USP34: variants seen among roughly 807,000 people sequenced by gnomAD.
USP34 encodes ubiquitin carboxyl-terminal hydrolase 34.
In USP34, 70 loss-of-function variants were observed where a neutral mutation model predicts 460.3. The ratio of observed to expected loss-of-function variants is 0.15; its 90% CI spans 0.13 to 0.19. The LOEUF is 0.19. USP34 is among the 10% of genes least tolerant of loss of function. The pLI, the probability that USP34 is intolerant of heterozygous loss-of-function variation, is 1.00. For missense variants in USP34, 3,985 were observed against 4,236.2 expected (o/e 0.94, Z 1.65); for synonymous variants, 1,647 against 1,405.3 (o/e 1.17, Z -3.85).
intron 58 of USP34, among the ~76,000 whole-genome samples, chr2:61,232,111 C>G (rs935272387): frequency 6.6e-6 from 1 of 151,982 alleles, no homozygotes; most frequent in Non-Finnish European, 1.5e-5. Context: ...CACTATAGTA[C>G]CCTACCATGG....
chr2:61,246,519 C>T, intron 49 of USP34, 42 bp from the exon 50 acceptor site: 3 of 1,326,858 alleles, frequency 2.3e-6, no homozygotes, highest in Non-Finnish European at 3.0e-6. Context: ...TTCCAAACTT[C>T]ACAACAGTTA....
At chr2:61,341,953 G>A (rs1691616582) in intron 16 of USP34, among the ~76,000 whole-genome samples, 1 of 151,512 alleles carries the variant, frequency 6.6e-6, no homozygotes, top group Non-Finnish European at 1.5e-5. Context: ...AGTACCAACG[G>A]GGTTTCACCA....
chr2:61,304,615 A>G (rs1336305324), intron 27 of USP34, among the ~76,000 whole-genome samples: 8 of 152,232 alleles, frequency 5.3e-5, no homozygotes, highest in Non-Finnish European at 2.9e-5. Flanking sequence ...ACAGCAATAA[A>G]GCACTATCTA....
At chr2:61,443,326 G>C (rs1695018404) in intron 1 of USP34, among the ~76,000 whole-genome samples, 1 of 152,060 alleles carries the variant, frequency 6.6e-6, no homozygotes, top group Non-Finnish European at 1.5e-5. Context: ...AAATGTTTGA[G>C]ATGAATACAC....
intron 33 of USP34, 125 bp from the exon 34 acceptor site, chr2:61,289,002 A>G: frequency 1.1e-6 from 1 of 937,518 alleles, no homozygotes; most frequent in Non-Finnish European, 1.6e-6. Context: ...ATGTACTATA[A>G]AAATTCTGCT....
intron 16 of USP34, among the ~76,000 whole-genome samples, chr2:61,342,850 T>C (rs1691648937): frequency 6.6e-6 from 1 of 152,190 alleles, no homozygotes; most frequent in Admixed American, 6.5e-5. Context: ...ATAGGTAAAA[T>C]ATTGATTAAA....
At chr2:61,227,497 G>A (rs1488666252) in intron 61 of USP34, among the ~76,000 whole-genome samples, 1 of 152,048 alleles carries the variant, frequency 6.6e-6, no homozygotes, top group African/African-American at 2.4e-5. Context: ...GATCATTTGA[G>A]GTCAGGAGTT....
At chr2:61,357,877 A>G (rs2103804408) in intron 10 of USP34, among the ~76,000 whole-genome samples, 1 of 152,294 alleles carries the variant, frequency 6.6e-6, no homozygotes, top group East Asian at 1.9e-4. Flanking sequence ...CAACAGAGCA[A>G]GAAATTCTCT....
intron 57 of USP34, 35 bp from the exon 58 acceptor site, chr2:61,232,567 C>T (rs777561379): frequency 2.0e-6 from 3 of 1,501,656 alleles, no homozygotes; most frequent in East Asian, 2.3e-5. Flanking sequence ...CTTTAACATT[C>T]AACAAATATT....
chr2:61,447,274 A>G (rs901822597), intron 1 of USP34, among the ~76,000 whole-genome samples: 1 of 149,904 alleles, frequency 6.7e-6, no homozygotes, highest in African/African-American at 2.5e-5. Context: ...AAAAAAAAAA[A>G]AAAAAAAACC....
chr2:61,321,617 T>C (rs1690925979), intron 21 of USP34, among the ~76,000 whole-genome samples: 1 of 152,232 alleles, frequency 6.6e-6, no homozygotes, highest in Admixed American at 6.5e-5. Context: ...AGGAGATATC[T>C]TACAGCCTTT....
chr2:61,427,917 C>G (rs561468408), intron 1 of USP34, among the ~76,000 whole-genome samples: 18 of 152,174 alleles, frequency 1.2e-4, no homozygotes, highest in Middle Eastern at 6.8e-3. Context: ...AATCCCAGCA[C>G]TTTGGATGGC....
intron 53 of USP34, among the ~76,000 whole-genome samples, chr2:61,241,285 A>G (rs1688249848): frequency 6.6e-6 from 1 of 151,846 alleles, no homozygotes; most frequent in Non-Finnish European, 1.5e-5. Context: ...CTCGTGATCT[A>G]CCCACCTCGG....
chr2:61,276,142 T>C (rs1378805240), intron 41 of USP34, among the ~76,000 whole-genome samples: 1 of 152,184 alleles, frequency 6.6e-6, no homozygotes, highest in East Asian at 1.9e-4. Context: ...AATTGGCAAA[T>C]ATCTCAGTGA....
At chr2:61,287,690 T>C (rs1689730439) in intron 34 of USP34, among the ~76,000 whole-genome samples, 1 of 152,254 alleles carries the variant, frequency 6.6e-6, no homozygotes, top group South Asian at 2.1e-4. Flanking sequence ...TCTAGCTTAC[T>C]TTAAGAATAC....
chr2:61,347,771 T>A, intron 15 of USP34, 99 bp downstream of exon 15: 1 of 1,515,424 alleles, frequency 6.6e-7, no homozygotes, highest in Non-Finnish European at 8.8e-7. Context: ...ATACTACTAA[T>A]GAATAGCACT....
At chr2:61,226,265 T>C (rs1484547874) in intron 62 of USP34, among the ~76,000 whole-genome samples, 1 of 152,246 alleles carries the variant, frequency 6.6e-6, no homozygotes, top group Non-Finnish European at 1.5e-5. Context: ...TTGTTTGACC[T>C]TACCTGGAAA....
At position 61,368,504 on chromosome 2, in the gene USP34, A is replaced by G. The variant is rs151103014; in HGVS notation, c.1251+1817T>C. On this transcript the variant is annotated intron_variant, in intron 10 of 79. Transcript: ENST00000398571. Reference sequence around the variant, plus strand: ...AAAACAGATAGCTGGCCCACAGACTATAAGTTTACCAATCCCTGGTATAGA... The same window carrying G: ...AAAACAGATAGCTGGCCCACAGACTGTAAGTTTACCAATCCCTGGTATAGA... 3.7e-3 allele frequency among the ~76,000 whole-genome samples: 561 copies of G among 152,320 alleles called. 5 individuals are homozygous for G. The highest frequency in any genetic ancestry group is 0.013 in the African/African-American group (527 of 41,576).
At chr2:61,334,891 T>G (rs1056086134) in intron 18 of USP34, among the ~76,000 whole-genome samples, 3 of 152,190 alleles carry the variant, frequency 2.0e-5, no homozygotes, top group African/African-American at 4.8e-5. Context: ...AATTACATTA[T>G]ACATGGCTAA....
Sources: gnomAD v4.1 joint callset for allele counts (sites outside exome capture counted in the v4.1 genomes callset) on GRCh38, gnomAD v4.1.1 for gene constraint, MANE v1.5 for transcripts, NCBI Gene and HGNC (gene_info 2026-07-23, HGNC 2026-07-21) for gene names.